APLF: variants seen among roughly 807,000 people sequenced by gnomAD.
APLF encodes aprataxin and PNKP like factor.
Under a neutral mutation model 55.6 loss-of-function variants are expected in APLF, and 61 were observed. The ratio of observed to expected loss-of-function variants is 1.10; its 90% confidence interval spans 0.89 to 1.36. The LOEUF (loss-of-function observed/expected upper bound fraction) is 1.36. Ranked by LOEUF, APLF falls within the 40% of genes most tolerant of loss-of-function variation. The pLI is 0.00. For synonymous variants in APLF, 207 were observed against 214.8 expected (o/e 0.96, Z 0.32); for missense variants, 611 against 602.5 (o/e 1.01, Z -0.15).
Position 68,490,198 on chromosome 2 carries a change from C to A in APLF, c.105C>A (p.Asp35Glu). The change falls in exon 2 of 10, where the codon GAC becomes GAA. Residue 35 changes from aspartate (D) to glutamate (E), a missense_variant. Transcript: ENST00000303795. Reference sequence around the variant, plus strand: ...ATTTTTTTACTGTATAGATAACAGACAAGAGAGTATCCAGAAGACATGCCA... The same window carrying A: ...ATTTTTTTACTGTATAGATAACAGAAAAGAGAGTATCCAGAAGACATGCCA... ...IGRGPLLGIT[D>E]KRVSRRHAIL... 6.2e-7 allele frequency: 1 copy of A among 1,607,924 alleles called. No homozygotes were observed. Among genetic ancestry groups the A allele is most frequent in the Admixed American group, 1.7e-5 (1 of 58,476 alleles).
chr2:68,562,258 T>C (rs974146411), intron 8 of APLF, among the ~76,000 whole-genome samples: 1 of 151,956 alleles, frequency 6.6e-6, no homozygotes, highest in Admixed American at 6.6e-5. Flanking sequence ...GAGGTATTGG[T>C]CAAAGGATAC....
intron 8 of APLF, 48 bp from the exon 9 acceptor site, chr2:68,567,293 C>G: frequency 6.5e-7 from 1 of 1,527,624 alleles, no homozygotes; most frequent in Non-Finnish European, 9.0e-7. Context: ...TAGTCATCAA[C>G]TTTTAGTAAT....
At chr2:68,518,306 A>T (rs1295417877) in intron 5 of APLF, among the ~76,000 whole-genome samples, 11 of 114,262 alleles carry the variant, frequency 9.6e-5, no homozygotes, top group Non-Finnish European at 1.1e-4. Flanking sequence ...AATATATTAT[A>T]TATTATTTAA....
At position 68,529,253 on chromosome 2, in the gene APLF, C is replaced by G. The variant is rs1469244223; in HGVS notation, c.804+3011C>G. The G allele has an allele frequency of 3.1e-6, 4 of 1,291,814 alleles. No individual in the cohort carries two copies. The highest frequency in any genetic ancestry group is 2.9e-5 in the Admixed American group (1 of 34,326). 80.0% of individuals were successfully genotyped at this position (1,291,814 alleles called of 1,614,324 possible). ...ACACAGCCTCATAAGGGTGCCGTCC[C>G]ACCTGCCTGGAAAAGAAGGCCCAAG... On this transcript the variant is annotated intron_variant, in intron 6 of 9. Coordinates refer to ENST00000303795, the MANE Select transcript of APLF (RefSeq NM_173545.3). The surrounding 1 kb of genome is among the most constrained non-coding windows in gnomAD (Gnocchi z 4.4).
intron 7 of APLF, among the ~76,000 whole-genome samples, chr2:68,541,768 C>G (rs952046217): frequency 2.0e-5 from 3 of 152,082 alleles, no homozygotes; most frequent in African/African-American, 7.2e-5. Context: ...TATCAAAATC[C>G]TAATGGTTTT....
At chr2:68,477,420 G>A (rs949843572) in intron 1 of APLF, among the ~76,000 whole-genome samples, 1 of 152,068 alleles carries the variant, frequency 6.6e-6, no homozygotes, top group African/African-American at 2.4e-5. Context: ...GACAGCTTGA[G>A]CCTGGAATTC....
At chr2:68,509,737 T>G (rs1676987095) in intron 3 of APLF, among the ~76,000 whole-genome samples, 1 of 152,088 alleles carries the variant, frequency 6.6e-6, no homozygotes, top group African/African-American at 2.4e-5. Flanking sequence ...CAAAGGAATA[T>G]AACTCATGCT....
intron 8 of APLF, among the ~76,000 whole-genome samples, chr2:68,566,869 G>GT (rs1422243606): frequency 6.6e-6 from 1 of 151,858 alleles, no homozygotes; most frequent in Non-Finnish European, 1.5e-5. Context: ...TAACTTTTGT[G>GT]TTTTTTCATA....
Position 68,529,121 on chromosome 2 carries a change from A to G in APLF, c.804+2879A>G, listed in dbSNP as rs1482074936. 2.9e-6 allele frequency: 4 copies of G among 1,356,034 alleles called. No individual in the cohort carries two copies. Among genetic ancestry groups the G allele is most frequent in the South Asian group, 2.5e-5 (2 of 79,436 alleles). The allele number at this position is 1,356,034 out of a possible 1,614,324, so 84.0% of individuals were successfully genotyped here. ...GATCCTCACGGGGCTGAGGTATCCA[A>G]ACATCCTGGAGTTGCGAGCAGACAG... On this transcript the variant is annotated intron_variant, in intron 6 of 9. Transcript: ENST00000303795. This position sits in a 1 kb window ranked among gnomAD's most constrained non-coding sequence, Gnocchi z 4.4.
intron 5 of APLF, among the ~76,000 whole-genome samples, chr2:68,518,382 T>C (rs1384912317): frequency 1.5e-4 from 16 of 107,238 alleles, no homozygotes; most frequent in Non-Finnish European, 2.5e-4. Flanking sequence ...ATGACTGTAT[T>C]ATATTATTAA....
chr2:68,499,026 C>G (rs1331025678), intron 2 of APLF, among the ~76,000 whole-genome samples: 2 of 151,360 alleles, frequency 1.3e-5, no homozygotes, highest in Non-Finnish European at 3.0e-5. Flanking sequence ...AAAAAAAAAG[C>G]TTTCCAAATT....
At chr2:68,522,579 A>G (rs1167048419) in intron 5 of APLF, among the ~76,000 whole-genome samples, 2 of 151,918 alleles carry the variant, frequency 1.3e-5, no homozygotes, top group African/African-American at 2.4e-5. Context: ...TTGAAAAATT[A>G]TGTTTCTTCA....
intron 9 of APLF, among the ~76,000 whole-genome samples, chr2:68,574,188 G>A (rs1671560287): frequency 6.6e-6 from 1 of 151,646 alleles, no homozygotes; most frequent in Non-Finnish European, 1.5e-5. Flanking sequence ...TTCCAGGTAA[G>A]TAAAGTTTAA....
intron 1 of APLF, among the ~76,000 whole-genome samples, chr2:68,484,690 T>TG (rs1202794931): frequency 1.6e-4 from 20 of 125,468 alleles, no homozygotes; most frequent in Admixed American, 2.4e-4. Flanking sequence ...AAGCTTAGTC[T>TG]GAAAAAAAAA....
chr2:68,481,283 G>A (rs956844451), intron 1 of APLF, among the ~76,000 whole-genome samples: 40 of 152,106 alleles, frequency 2.6e-4, no homozygotes, highest in Non-Finnish European at 5.7e-4. Flanking sequence ...GAGTGGTGAC[G>A]GAATTCCCTT....
At chr2:68,549,060 A>G (rs1175445642) in intron 8 of APLF, among the ~76,000 whole-genome samples, 1 of 152,050 alleles carries the variant, frequency 6.6e-6, no homozygotes, top group Non-Finnish European at 1.5e-5. Context: ...TCAAGTATCT[A>G]CATTTCCCTA....
At chr2:68,554,376 C>A (rs1180121284) in intron 8 of APLF, among the ~76,000 whole-genome samples, 3 of 151,972 alleles carry the variant, frequency 2.0e-5, no homozygotes, top group Non-Finnish European at 4.4e-5. Flanking sequence ...TTTTTTAAAT[C>A]TAACAAAATT....
intron 5 of APLF, among the ~76,000 whole-genome samples, chr2:68,517,025 A>ATG (rs1669610143): frequency 9.5e-6 from 1 of 104,764 alleles, no homozygotes; most frequent in African/African-American, 4.0e-5. Flanking sequence ...ATAATAATAT[A>ATG]TTAATATATA....
Position 68,481,929 on chromosome 2 carries a change from G to A in APLF, c.97-8261G>A, listed in dbSNP as rs531934139. On this transcript the variant is annotated intron_variant, in intron 1 of 9. Transcript: ENST00000303795. ...TATTCTCTGAATTCCTCAGCTGTAA[G>A]ATTTCTGTTTGGTTATTTTTTATGA... 1.4e-4 allele frequency among the ~76,000 whole-genome samples: 22 copies of A among 151,892 alleles called. No homozygotes were observed. In the South Asian group the frequency reaches 4.6e-3, roughly 32 times the overall value.
Sources: gnomAD v4.1 joint callset for allele counts (sites outside exome capture counted in the v4.1 genomes callset) on GRCh38, gnomAD v4.1.1 for gene constraint, Gnocchi (gnomAD v3.1) non-coding constraint, MANE v1.5 for transcripts, NCBI Gene and HGNC (gene_info 2026-07-23, HGNC 2026-07-21) for gene names.